SMAD4: variants seen among roughly 807,000 people sequenced by gnomAD.
SMAD4 encodes SMAD family member 4, also known as MAD homolog 4.
Under a neutral mutation model 63.2 loss-of-function variants are expected in SMAD4, and 7 were observed. The observed-to-expected ratio is 0.11, with a 90% CI of 0.06 to 0.21. The LOEUF (loss-of-function observed/expected upper bound fraction) is 0.21, where lower values mean the gene tolerates loss of function less well. SMAD4 is among the 10% of genes least tolerant of loss of function. SMAD4 has a pLI of 1.00. For missense variants in SMAD4, 312 were observed against 693.8 expected (o/e 0.45, Z 6.18); for synonymous variants, 215 against 235.4 (o/e 0.91, Z 0.79).
chr18:51,047,218 A>G lies in SMAD4; in HGVS notation c.172A>G (p.Ile58Val), dbSNP rs786204166. ...GAAAAAAGATGAATTGGATTCTTTA[A>G]TAACAGCTATAACTACAAATGGAGC... ...KEKKDELDSLITAITTNGAHP... is the reference protein window; with the variant it reads ...KEKKDELDSLVTAITTNGAHP... The change falls in exon 2 of 12, where the codon ATA becomes GTA. Residue 58 changes from isoleucine (I) to valine (V), a missense_variant. Physicochemically the swap from Ile to Val is conservative, Grantham distance 29 (BLOSUM62 3). This residue lies in a region of SMAD4 where 37 missense variants were observed against 87.3 expected (regional missense o/e 0.42). Transcript: ENST00000342988. The G allele has an allele frequency of 1.2e-6, 2 of 1,613,488 alleles. No homozygotes were observed. The highest frequency in any genetic ancestry group is 1.7e-6 in the Non-Finnish European group (2 of 1,179,416).
rs1398943845 is a variant in SMAD4, at chr18:51,079,917, A to G, written c.*1450A>G. 4.4e-6 allele frequency: 1 copy of G among 229,334 alleles called. No homozygotes were observed. The highest frequency in any genetic ancestry group is 8.5e-6 in the Non-Finnish European group (1 of 117,170). 14.2% of individuals were successfully genotyped at this position (229,334 alleles called of 1,614,324 possible). ...GGGCAGCTTTGTTTTTTTCCCTCAC[A>G]CTCTACCGGGACTTCCCCATGGACA... On this transcript the variant is annotated 3_prime_UTR_variant, in exon 12 of 12. Transcript: ENST00000342988.
Position 51,079,040 on chromosome 18 carries a change from A to G in SMAD4, c.*573A>G. ...CAAAATATTTTTTGCAAGTTATATT[A>G]GTGAAGATGGTTTCAATTCAGATTG... On this transcript the variant is annotated 3_prime_UTR_variant, in exon 12 of 12. Transcript: ENST00000342988. 1 of 233,500 alleles carries G rather than the reference A, an allele frequency of 4.3e-6. No homozygotes were observed. Among genetic ancestry groups the G allele is most frequent in the Non-Finnish European group, 8.5e-6 (1 of 118,030 alleles). The allele number at this position is 233,500 out of a possible 1,614,324, so 14.5% of individuals were successfully genotyped here.
intron 5 of SMAD4, among the ~76,000 whole-genome samples, chr18:51,056,443 T>C (rs1294196690): frequency 1.3e-5 from 2 of 152,136 alleles, no homozygotes; most frequent in East Asian, 3.9e-4. Flanking sequence ...CCGTAAATAC[T>C]GTAAGTTTTA....
At chr18:51,062,186 G>A (rs1244132519) in intron 8 of SMAD4, among the ~76,000 whole-genome samples, 1 of 152,058 alleles carries the variant, frequency 6.6e-6, no homozygotes, top group Non-Finnish European at 1.5e-5. Context: ...GATTTTCTGT[G>A]TTACATTGTG....
At chr18:51,066,166 A>G (rs1475513746) in intron 9 of SMAD4, among the ~76,000 whole-genome samples, 1 of 152,068 alleles carries the variant, frequency 6.6e-6, no homozygotes. Context: ...AGCCTGGCCA[A>G]CATGGTGAAA....
At chr18:51,059,395 A>G (rs1909943190) in intron 7 of SMAD4, among the ~76,000 whole-genome samples, 1 of 152,234 alleles carries the variant, frequency 6.6e-6, no homozygotes, top group Admixed American at 6.5e-5. Context: ...AAGTAAACGT[A>G]ATAATTTATG....
rs1446772303 is a variant in SMAD4 at position 51,079,671 on chromosome 18, A to G, written c.*1204A>G. 1 of 233,366 alleles carries G rather than the reference A, an allele frequency of 4.3e-6. No individual in the cohort carries two copies. The highest frequency in any genetic ancestry group is 8.5e-6 in the Non-Finnish European group (1 of 117,962). The allele number at this position is 233,366 out of a possible 1,614,324, so 14.5% of individuals were successfully genotyped here. A position where few individuals can be genotyped will look rare whatever the true frequency, so the allele number is the denominator to read the frequency against. ...TCATATCAATTGGCAGTGACTTTGT[A>G]TAGAGAATTTAAGTAGAAAAGTTGC... On this transcript the variant is annotated 3_prime_UTR_variant, in exon 12 of 12. Coordinates refer to ENST00000342988, the MANE Select transcript of SMAD4 (RefSeq NM_005359.6).
rs2144399547 is a variant in SMAD4, at chr18:51,046,951, T to C, written c.-96T>C. On this transcript the variant is annotated 5_prime_UTR_variant, in exon 2 of 12. Transcript: ENST00000342988. ...CTGAATACATGTCTAACAATTTTCCTTGCAACGTTAGCTGTTGTTTTTCAC... is the reference window on the plus strand; with the variant it reads ...CTGAATACATGTCTAACAATTTTCCCTGCAACGTTAGCTGTTGTTTTTCAC... 1 of 1,109,284 alleles carries C rather than the reference T, an allele frequency of 9.0e-7. No homozygotes were observed. Among genetic ancestry groups the C allele is most frequent in the Non-Finnish European group, 1.4e-6 (1 of 737,578 alleles). The allele number at this position is 1,109,284 out of a possible 1,614,324, so 68.7% of individuals were successfully genotyped here. A position where few individuals can be genotyped will look rare whatever the true frequency, so the allele number is the denominator to read the frequency against.
chr18:51,076,878 T>A lies in SMAD4; in HGVS notation c.1447+102T>A, dbSNP rs958091674. On this transcript the variant is annotated intron_variant, in intron 11 of 11. Coordinates refer to ENST00000342988, the MANE Select transcript of SMAD4 (RefSeq NM_005359.6). Reference sequence around the variant, plus strand: ...CTTTGAGCAGTAATAGAAATTAAAGTTTTTTTTTACTGGGATGATGACATT... The same window carrying A: ...CTTTGAGCAGTAATAGAAATTAAAGATTTTTTTTACTGGGATGATGACATT... The A allele has an allele frequency of 6.7e-6, 6 of 895,314 alleles. No homozygotes were observed. In the East Asian group the frequency reaches 1.7e-4, roughly 25 times the overall value. 55.5% of individuals were successfully genotyped at this position (895,314 alleles called of 1,614,324 possible). A position where few individuals can be genotyped will look rare whatever the true frequency, so the allele number is the denominator to read the frequency against.
At chr18:51,068,694 G>GACCTT (rs1910236201) in intron 10 of SMAD4, among the ~76,000 whole-genome samples, 1 of 152,108 alleles carries the variant, frequency 6.6e-6, no homozygotes, top group Non-Finnish European at 1.5e-5. Context: ...CAAGGTTGGA[G>GACCTT]GATTGCTTGA....
At chr18:51,062,463 A>C (rs1224879399) in intron 8 of SMAD4, among the ~76,000 whole-genome samples, 1 of 151,722 alleles carries the variant, frequency 6.6e-6, no homozygotes, top group Non-Finnish European at 1.5e-5. Flanking sequence ...CTTTTTATGG[A>C]TATCACTTTT....
intron 4 of SMAD4, chr18:51,053,529 C>G (rs1909764397): frequency 6.6e-6 from 1 of 151,954 alleles, no homozygotes; most frequent in South Asian, 2.1e-4. Context: ...TAAAGAGGAA[C>G]TTTGGAATGG....
intron 1 of SMAD4, among the ~76,000 whole-genome samples, chr18:51,035,302 T>C (rs1217414957): frequency 6.6e-6 from 1 of 152,194 alleles, no homozygotes; most frequent in Non-Finnish European, 1.5e-5. Context: ...AGGAAGTTGA[T>C]TTTCTTTTAA....
chr18:51,047,148 A>G lies in SMAD4; in HGVS notation c.102A>G (p.Thr34=), dbSNP rs146104321. ...ATAGACAAGGTGGAGAGAGTGAAAC[A>G]TTTGCAAAAAGAGCAATTGAAAGTT... The part of the protein sequence containing the change: ...MCHRQGGESE[T]FAKRAIESLV... The change falls in exon 2 of 12, where the codon ACA becomes ACG. Residue 34 remains threonine, a synonymous_variant. Coordinates refer to ENST00000342988, the MANE Select transcript of SMAD4 (RefSeq NM_005359.6). The G allele has an allele frequency of 5.2e-5, 84 of 1,614,150 alleles. No individual in the cohort carries two copies. The African/African-American group carries it at 9.9e-4, about 19-fold the overall frequency.
At chr18:51,055,168 T>C (rs1909810644) in intron 5 of SMAD4, among the ~76,000 whole-genome samples, 175 bp downstream of exon 5, 1 of 152,250 alleles carries the variant, frequency 6.6e-6, no homozygotes, top group African/African-American at 2.4e-5. Context: ...ATTTAAGTAA[T>C]GGCTTTGATT....
rs1023625565 is a variant in SMAD4, at chr18:51,082,898, C to CTA, written c.*4431_*4432insTA. 9 of 226,060 alleles carry CTA rather than the reference C, an allele frequency of 4.0e-5. No individual in the cohort carries two copies. The highest frequency in any genetic ancestry group is 6.2e-5 in the Non-Finnish European group (7 of 113,558). 14.0% of individuals were successfully genotyped at this position (226,060 alleles called of 1,614,324 possible). Reference sequence around the variant, plus strand: ...AACCAGATAACCAAACTTACTAGAACGTTCTTTAAAACACAAGTACAAACT... The same window carrying CTA: ...AACCAGATAACCAAACTTACTAGAACTAGTTCTTTAAAACACAAGTACAAACT... On this transcript the variant is annotated 3_prime_UTR_variant, in exon 12 of 12. Transcript: ENST00000342988.
intron 4 of SMAD4, among the ~76,000 whole-genome samples, chr18:51,051,760 CT>C (rs986556634): frequency 1.3e-5 from 2 of 152,048 alleles, no homozygotes; most frequent in African/African-American, 4.8e-5. Context: ...GTGGTTTCAG[CT>C]TTTTTGTCAC....
At chr18:51,063,099 G>T (rs551873195) in intron 8 of SMAD4, among the ~76,000 whole-genome samples, 3 of 151,136 alleles carry the variant, frequency 2.0e-5, no homozygotes, top group Admixed American at 1.3e-4. Context: ...TGATCTGCCC[G>T]CCTCGGCCTC....
rs1463376329 is a variant in SMAD4 at position 51,082,654 on chromosome 18, C to G, written c.*4187C>G. Reference sequence around the variant, plus strand: ...TTCTGTGCTTGGCTATCTTTGTGGACTTCAGGGGCTTCTAAAACAGACAGG... The same window carrying G: ...TTCTGTGCTTGGCTATCTTTGTGGAGTTCAGGGGCTTCTAAAACAGACAGG... On this transcript the variant is annotated 3_prime_UTR_variant, in exon 12 of 12. Transcript: ENST00000342988. 1 of 230,376 alleles carries G rather than the reference C, an allele frequency of 4.3e-6. No homozygotes were observed. Among genetic ancestry groups the G allele is most frequent in the African/African-American group, 2.2e-5 (1 of 44,900 alleles). The allele number at this position is 230,376 out of a possible 1,614,324, so 14.3% of individuals were successfully genotyped here.
Sources: gnomAD v4.1 joint callset for allele counts (sites outside exome capture counted in the v4.1 genomes callset) on GRCh38, gnomAD v4.1.1 for gene constraint, gnomAD v4.1.1 regional missense constraint, MANE v1.5 for transcripts, NCBI Gene and HGNC (gene_info 2026-07-23, HGNC 2026-07-21) for gene names.